The following DAGLB variants were observed in gnomAD, a reference collection of about 807,000 sequenced individuals.
DAGLB encodes the protein diacylglycerol lipase-beta.
Under a neutral mutation model 72.1 loss-of-function variants are expected in DAGLB, and 66 were observed. The ratio of observed to expected loss-of-function variants is 0.92; its 90% confidence interval spans 0.75 to 1.12. DAGLB has a LOEUF of 1.12. DAGLB is among the 50% of genes most tolerant of loss of function. The probability of loss-of-function intolerance (pLI) is 0.00; values close to 1 mark genes in which losing one functional copy is unlikely to be tolerated. For synonymous variants in DAGLB, 414 were observed against 359.5 expected (o/e 1.15, Z -1.71); for missense variants, 1,065 against 884.9 (o/e 1.20, Z -2.58).
At chr7:6,439,450 C>A (rs1252352040) in intron 2 of DAGLB, among the ~76,000 whole-genome samples, 1 of 152,100 alleles carries the variant, frequency 6.6e-6, no homozygotes, top group Non-Finnish European at 1.5e-5. Context: ...TATCATCCAT[C>A]ATCAGACACA....
intron 5 of DAGLB, among the ~76,000 whole-genome samples, chr7:6,431,583 C>A (rs541457885): frequency 8.5e-5 from 13 of 152,198 alleles, no homozygotes; most frequent in African/African-American, 3.1e-4. Context: ...AACAGCCTGG[C>A]CAACACGGTG....
intron 8 of DAGLB, chr7:6,422,032 C>A: frequency 1.5e-6 from 1 of 649,720 alleles, no homozygotes; most frequent in Non-Finnish European, 2.8e-6. Flanking sequence ...GTGGAGGGGA[C>A]CATGGAGTGT....
chr7:6,426,774 A>C (rs188585783), intron 6 of DAGLB, among the ~76,000 whole-genome samples: 3 of 152,338 alleles, frequency 2.0e-5, no homozygotes, highest in Admixed American at 2.0e-4. Context: ...ATAAACAAGA[A>C]ATCATAGAAG....
intron 4 of DAGLB, among the ~76,000 whole-genome samples, chr7:6,433,805 T>C (rs991285901): frequency 6.8e-6 from 1 of 147,684 alleles, no homozygotes; most frequent in Non-Finnish European, 1.5e-5. Context: ...TGTGCCAAGA[T>C]GGCGCCACTG....
Position 6,410,188 on chromosome 7 carries a change from G to T in DAGLB, c.1762C>A (p.Pro588Thr). 4 of 1,597,650 alleles carry T rather than the reference G, an allele frequency of 2.5e-6. No homozygotes were observed. The highest frequency in any genetic ancestry group is 1.1e-5 in the South Asian group (1 of 89,578). ...DSPLDSSPKY[P>T]PLYPPGRIIH... ...ATCCTGCCGGGAGGGTAGAGAGGGG[G>T]GTACTTGGGAGAAGAGTCCAGTGGG... Residue 588 changes from proline to threonine, a missense_variant, in exon 14 of 15, where the codon CCC becomes ACC. Physicochemically the swap from Pro to Thr is conservative, Grantham distance 38. Transcript: ENST00000297056.
intron 2 of DAGLB, among the ~76,000 whole-genome samples, chr7:6,444,661 C>G (rs1384543292): frequency 2.6e-5 from 4 of 152,094 alleles, no homozygotes; most frequent in African/African-American, 9.7e-5. Context: ...GGCAAAAGAT[C>G]TGAACAGACA....
chr7:6,439,940 T>C (rs1249090001), intron 2 of DAGLB, among the ~76,000 whole-genome samples: 1 of 150,148 alleles, frequency 6.7e-6, no homozygotes, highest in Non-Finnish European at 1.5e-5. Context: ...TAATCCCAGC[T>C]ACTCGGGAGG....
intron 9 of DAGLB, among the ~76,000 whole-genome samples, chr7:6,420,205 G>A (rs186183601): frequency 4.1e-4 from 62 of 152,106 alleles, no homozygotes; most frequent in African/African-American, 1.4e-3. Flanking sequence ...AATTTGGGAG[G>A]CTGAGGTGGG....
rs888970570 is a variant in DAGLB, at chr7:6,434,621, A to G, written c.678+141T>C. 2.9e-6 allele frequency: 4 copies of G among 1,373,122 alleles called. No homozygotes were observed. The African/African-American group carries it at 5.8e-5, about 20-fold the overall frequency. The allele number at this position is 1,373,122 out of a possible 1,614,324, so 85.1% of individuals were successfully genotyped here. On this transcript the variant is annotated intron_variant, in intron 4 of 14. Coordinates refer to ENST00000297056, the MANE Select transcript of DAGLB (RefSeq NM_139179.4). ...CTGCTCCCTGGAGGGCTCATCACAG[A>G]CAGAGGGTCTCCGGCCACCCCCCAC...
intron 7 of DAGLB, 93 bp from the exon 8 acceptor site, chr7:6,424,928 C>T: frequency 7.9e-7 from 1 of 1,267,258 alleles, no homozygotes; most frequent in Admixed American, 1.8e-5. Context: ...AATGACAGCC[C>T]AAGTCCTGCG....
At chr7:6,422,397 A>G (rs887678570) in intron 8 of DAGLB, 8 of 215,894 alleles carry the variant, frequency 3.7e-5, no homozygotes, top group Non-Finnish European at 6.7e-5. Flanking sequence ...CACACCAGCC[A>G]TATTTGAAAA....
chr7:6,424,446 G>A (rs1275167133), intron 8 of DAGLB, among the ~76,000 whole-genome samples: 4 of 152,120 alleles, frequency 2.6e-5, no homozygotes, highest in Non-Finnish European at 4.4e-5. Flanking sequence ...CCCGGGTGTG[G>A]GGCCTGGCTG....
chr7:6,428,297 G>A (rs1442146588), intron 6 of DAGLB, among the ~76,000 whole-genome samples: 5 of 122,528 alleles, frequency 4.1e-5, no homozygotes, highest in African/African-American at 6.4e-5. Flanking sequence ...AGTGAGCCAG[G>A]ATCCTGAGAC....
In DAGLB at chr7:6,423,604, TC is replaced by T. The variant is rs202187513; in HGVS notation, c.1140+1147del. Reference sequence around the variant, plus strand: ...ATGCCCGGCTAATTTTTTTTTTTTTTCTGAGACAGGGTCTCACTCTGTCTCC... The same window carrying T: ...ATGCCCGGCTAATTTTTTTTTTTTTTTGAGACAGGGTCTCACTCTGTCTCC... On this transcript the variant is annotated intron_variant, in intron 8 of 14. Coordinates refer to ENST00000297056, the MANE Select transcript of DAGLB (RefSeq NM_139179.4). Among the ~76,000 whole-genome samples, 326 of 146,084 alleles carry T rather than the reference TC, an allele frequency of 2.2e-3. 26 individuals carry two copies. Among genetic ancestry groups the T allele is most frequent in the Non-Finnish European group, 2.2e-3 (148 of 65,982 alleles).
chr7:6,434,317 T>C lies in DAGLB; in HGVS notation c.678+445A>G, dbSNP rs190638621. 3.4e-4 allele frequency among the ~76,000 whole-genome samples: 52 copies of C among 152,240 alleles called. 1 individual carries two copies. Among genetic ancestry groups the C allele is most frequent in the Admixed American group, 2.2e-3 (34 of 15,278 alleles). ...CTCCCTTCTGTGCTGCAATCATCTA[T>C]TCAAACTGTCTTCCAAAAGTAGCAT... On this transcript the variant is annotated intron_variant, in intron 4 of 14. Transcript: ENST00000297056.
chr7:6,431,514 G>A (rs1784487972), intron 5 of DAGLB, among the ~76,000 whole-genome samples: 1 of 152,230 alleles, frequency 6.6e-6, no homozygotes, highest in Non-Finnish European at 1.5e-5. Flanking sequence ...GCTCACGCCT[G>A]TAATCCCAGC....
chr7:6,447,596 G>C (rs578224302), intron 1 of DAGLB, 152 bp downstream of exon 1: 3 of 1,103,830 alleles, frequency 2.7e-6, no homozygotes, highest in African/African-American at 1.6e-5. Flanking sequence ...CCACCTCTTC[G>C]GGCAGTGGTG....
At chr7:6,446,193 G>C (rs1420428815) in intron 1 of DAGLB, 89 bp from the exon 2 acceptor site, 1 of 1,397,876 alleles carries the variant, frequency 7.2e-7, no homozygotes, top group Non-Finnish European at 9.4e-7. Flanking sequence ...AGGGGACAGG[G>C]CGCGGTGGCT....
At chr7:6,438,892 T>C (rs1345681697) in intron 2 of DAGLB, among the ~76,000 whole-genome samples, 2 of 151,884 alleles carry the variant, frequency 1.3e-5, no homozygotes, top group Non-Finnish European at 2.9e-5. Flanking sequence ...ATGATGGTAC[T>C]GAGAAAATCT....
Sources: allele counts gnomAD v4.1 joint callset (sites outside exome capture counted in the v4.1 genomes callset), GRCh38; gene constraint gnomAD v4.1.1; transcripts MANE v1.5; gene names NCBI Gene and HGNC (gene_info 2026-07-23, HGNC 2026-07-21).